Variants in ST6GAL1 observed in about 807,000 individuals in gnomAD.
ST6GAL1 encodes the protein beta-galactoside alpha-2,6-sialyltransferase 1.
A neutral mutation model predicts 38.0 loss-of-function variants in ST6GAL1; 20 were observed. The observed-to-expected ratio is 0.53, with a 90% confidence interval of 0.37 to 0.77. The LOEUF (loss-of-function observed/expected upper bound fraction) is 0.77, where lower values mean the gene tolerates loss of function less well. Among genes scored for constraint, ST6GAL1 ranks in the 30% least tolerant of loss-of-function variants. The pLI is 0.00. For synonymous variants in ST6GAL1, 196 were observed against 188.2 expected (o/e 1.04, Z -0.34); for missense variants, 432 against 496.4 (o/e 0.87, Z 1.23).
At chr3:186,996,940 C>T (rs2108549920) in intron 2 of ST6GAL1, among the ~76,000 whole-genome samples, 1 of 151,910 alleles carries the variant, frequency 6.6e-6, no homozygotes, top group East Asian at 1.9e-4. Flanking sequence ...GCCATCTCCA[C>T]TTTGAGCTTG....
chr3:187,003,534 A>G (rs755415249), intron 2 of ST6GAL1, among the ~76,000 whole-genome samples: 35 of 152,158 alleles, frequency 2.3e-4, no homozygotes, highest in Non-Finnish European at 3.8e-4. Context: ...TATATCCTCC[A>G]TTTATTTAGA....
chr3:186,941,182 C>T (rs888842699), intron 1 of ST6GAL1, among the ~76,000 whole-genome samples: 1 of 152,202 alleles, frequency 6.6e-6, no homozygotes, highest in Non-Finnish European at 1.5e-5. Context: ...CTTGGGCCTT[C>T]CAAGTTTGTT....
At chr3:187,022,144 TCTTGGACACTAAGCCCTCAATCTGTAG>T (rs997869711) in intron 2 of ST6GAL1, 1 of 152,178 alleles carries the variant, frequency 6.6e-6, no homozygotes, top group African/African-American at 2.4e-5. Flanking sequence ...AGGGGGGATG[TCTTGGACACTAAGCCCTCAATCTGTAG>T]GATCTGACAC....
chr3:186,954,063 T>C (rs1168368016), intron 1 of ST6GAL1, among the ~76,000 whole-genome samples: 1 of 152,172 alleles, frequency 6.6e-6, no homozygotes, highest in Non-Finnish European at 1.5e-5. Flanking sequence ...CTCCCACTTA[T>C]AAGTGAGAAC....
At chr3:187,051,117 G>T (rs570444441) in intron 4 of ST6GAL1, 132 bp from the exon 5 acceptor site, 1 of 761,222 alleles carries the variant, frequency 1.3e-6, no homozygotes, top group East Asian at 2.6e-5. Flanking sequence ...CTGCCATTTC[G>T]CCCTGTGGAT....
At chr3:187,025,799 G>A (rs920108707) in intron 2 of ST6GAL1, among the ~76,000 whole-genome samples, 57 of 152,250 alleles carry the variant, frequency 3.7e-4, no homozygotes, top group African/African-American at 1.3e-3. Context: ...GTCAGGGACC[G>A]CAGCCTGACC....
chr3:187,022,436 G>A (rs533028042), intron 2 of ST6GAL1, among the ~76,000 whole-genome samples: 4 of 152,292 alleles, frequency 2.6e-5, no homozygotes, highest in East Asian at 1.9e-4. Context: ...GCTAACAGTA[G>A]CTGAGAGAGT....
chr3:186,972,287 C>T (rs948575945), intron 2 of ST6GAL1, among the ~76,000 whole-genome samples: 7 of 151,582 alleles, frequency 4.6e-5, no homozygotes, highest in Non-Finnish European at 8.8e-5. Context: ...CACTCTGACA[C>T]CCAGGCTGGA....
chr3:187,047,946 C>CTT (rs35595658), intron 4 of ST6GAL1, among the ~76,000 whole-genome samples: 18 of 141,460 alleles, frequency 1.3e-4, no homozygotes, highest in Middle Eastern at 3.4e-3. Flanking sequence ...CTTTTCCTTT[C>CTT]TTTTTTTTTT....
intron 3 of ST6GAL1, among the ~76,000 whole-genome samples, chr3:187,042,264 G>GCC (rs1718150382): frequency 6.6e-6 from 1 of 151,752 alleles, no homozygotes; most frequent in African/African-American, 2.4e-5. Flanking sequence ...ATGTTACAAG[G>GCC]CCCTAGGAAC....
chr3:187,035,133 A>G (rs1012089242), intron 2 of ST6GAL1, among the ~76,000 whole-genome samples: 1 of 152,210 alleles, frequency 6.6e-6, no homozygotes, highest in African/African-American at 2.4e-5. Context: ...TCAAATCAAC[A>G]ACACAATCTC....
intron 2 of ST6GAL1, among the ~76,000 whole-genome samples, chr3:187,036,262 G>A (rs1717928489): frequency 6.6e-6 from 1 of 152,128 alleles, no homozygotes; most frequent in South Asian, 2.1e-4. Flanking sequence ...ATGCTAGGGA[G>A]GCTGCAGGGA....
intron 2 of ST6GAL1, among the ~76,000 whole-genome samples, chr3:186,995,316 G>A (rs951246254): frequency 1.3e-5 from 2 of 151,626 alleles, no homozygotes; most frequent in African/African-American, 4.8e-5. Context: ...AGACCATCCT[G>A]GCCAACATGG....
intron 1 of ST6GAL1, among the ~76,000 whole-genome samples, chr3:186,948,434 G>A (rs1206656974): frequency 1.3e-5 from 2 of 152,170 alleles, no homozygotes; most frequent in Admixed American, 1.3e-4. Flanking sequence ...GAGCTAGTGT[G>A]GCTGGAGGCA....
intron 2 of ST6GAL1, among the ~76,000 whole-genome samples, chr3:186,984,697 G>A (rs1038845590): frequency 6.7e-6 from 1 of 148,282 alleles, no homozygotes; most frequent in Non-Finnish European, 1.5e-5. Context: ...CAGTACTTCC[G>A]ATCTCCCCTT....
intron 2 of ST6GAL1, among the ~76,000 whole-genome samples, chr3:187,036,788 A>G (rs1347797405): frequency 6.6e-6 from 1 of 152,152 alleles, no homozygotes; most frequent in African/African-American, 2.4e-5. Flanking sequence ...AAAATGAATT[A>G]TTCAGTACCT....
In ST6GAL1 at chr3:187,036,989, T is replaced by A. The variant is rs1717953464; in HGVS notation, c.-182-1753T>A. Among the ~76,000 whole-genome samples, 3 of 152,234 alleles carry A rather than the reference T, an allele frequency of 2.0e-5. No homozygotes were observed. The South Asian group carries it at 6.2e-4, about 31-fold the overall frequency. ...CTCATTAATCCTCTTTCATTTGTCA[T>A]CAGAACTATGTAATGTAGAGAATCA... is the stretch of plus-strand genomic sequence containing the variant. On this transcript the variant is annotated intron_variant, in intron 2 of 7. Coordinates refer to ENST00000169298, the MANE Select transcript of ST6GAL1 (RefSeq NM_173216.2).
At chr3:187,047,253 G>GTTT (rs11363479) in intron 4 of ST6GAL1, among the ~76,000 whole-genome samples, 18 of 146,012 alleles carry the variant, frequency 1.2e-4, no homozygotes, top group African/African-American at 4.5e-4. Context: ...CCAAGTCATA[G>GTTT]TTTTTTTTTT....
chr3:187,024,088 TGTTTTGC>T (rs998614531), intron 2 of ST6GAL1, among the ~76,000 whole-genome samples: 2 of 151,530 alleles, frequency 1.3e-5, no homozygotes, highest in Admixed American at 1.3e-4. Context: ...CATATATACA[TGTTTTGC>T]TTGTTTGTTT....
Sources: allele counts gnomAD v4.1 joint callset (sites outside exome capture counted in the v4.1 genomes callset), GRCh38; gene constraint gnomAD v4.1.1; transcripts MANE v1.5; gene names NCBI Gene and HGNC (gene_info 2026-07-23, HGNC 2026-07-21).